NPAS3: variants seen among roughly 807,000 people sequenced by gnomAD.
NPAS3 encodes the protein neuronal PAS domain-containing protein 3.
In NPAS3, 14 loss-of-function variants were observed where a neutral mutation model predicts 73.1. The ratio of observed to expected loss-of-function variants is 0.19; its 90% confidence interval spans 0.13 to 0.30. The LOEUF (loss-of-function observed/expected upper bound fraction) is 0.30, where lower values mean the gene tolerates loss of function less well. Ranked by LOEUF, NPAS3 falls within the 10% of genes least tolerant of loss-of-function variation. The pLI, the probability that NPAS3 is intolerant of heterozygous loss-of-function variation, is 1.00. For missense variants in NPAS3, 1,096 were observed against 1,250.0 expected, an observed-to-expected ratio of 0.88 and a Z score of 1.86; for synonymous variants, 620 against 541.5, an observed-to-expected ratio of 1.14 and a Z score of -2.01.
intron 4 of NPAS3, among the ~76,000 whole-genome samples, chr14:33,508,640 T>A (rs1264553175): frequency 1.3e-5 from 2 of 151,968 alleles, no homozygotes; most frequent in Non-Finnish European, 2.9e-5. Context: ...TCAGAGGGAA[T>A]CAGTAAACAG....
chr14:33,288,770 G>A (rs988963681), intron 3 of NPAS3, among the ~76,000 whole-genome samples: 2 of 151,902 alleles, frequency 1.3e-5, no homozygotes, highest in Non-Finnish European at 2.9e-5. Context: ...TTACTTTTCT[G>A]CATGCATATC....
At chr14:33,575,387 C>T (rs1162233492) in intron 5 of NPAS3, among the ~76,000 whole-genome samples, 2 of 152,112 alleles carry the variant, frequency 1.3e-5, no homozygotes, top group African/African-American at 4.8e-5. Flanking sequence ...CTTTGAAACC[C>T]TCATTTCCTT....
At chr14:33,018,734 TA>T (rs2138240796) in intron 1 of NPAS3, among the ~76,000 whole-genome samples, 1 of 152,348 alleles carries the variant, frequency 6.6e-6, no homozygotes, top group South Asian at 2.1e-4. Flanking sequence ...TAGTAAAATT[TA>T]AAGCACTGAA....
chr14:33,538,124 C>T (rs1027484371), intron 4 of NPAS3, among the ~76,000 whole-genome samples: 1 of 152,130 alleles, frequency 6.6e-6, no homozygotes, highest in Non-Finnish European at 1.5e-5. Context: ...AAAAGAAACT[C>T]TTATTGTTAT....
intron 2 of NPAS3, among the ~76,000 whole-genome samples, chr14:33,075,198 T>C (rs1595385285): frequency 6.6e-6 from 1 of 152,302 alleles, no homozygotes; most frequent in Middle Eastern, 3.4e-3. Context: ...TTGTTACAAA[T>C]AATGTTTGAT....
intron 5 of NPAS3, among the ~76,000 whole-genome samples, chr14:33,565,056 C>A (rs2055858746): frequency 6.6e-6 from 1 of 152,168 alleles, no homozygotes; most frequent in South Asian, 2.1e-4. Context: ...AAGGTAGCTG[C>A]AGACAAGGTT....
chr14:33,775,269 G>A (rs541257794), intron 8 of NPAS3, among the ~76,000 whole-genome samples: 78 of 152,270 alleles, frequency 5.1e-4, no homozygotes, highest in African/African-American at 1.8e-3. Flanking sequence ...AGGGAGGGCC[G>A]TGGAGAGGAG....
intron 6 of NPAS3, among the ~76,000 whole-genome samples, chr14:33,688,307 T>G (rs1424305764): frequency 6.6e-6 from 1 of 152,208 alleles, no homozygotes; most frequent in Non-Finnish European, 1.5e-5. Context: ...GAATGTTAGC[T>G]TAGTAAAAAT....
At chr14:33,068,336 T>A (rs2041353042) in intron 2 of NPAS3, among the ~76,000 whole-genome samples, 1 of 152,194 alleles carries the variant, frequency 6.6e-6, no homozygotes, top group Non-Finnish European at 1.5e-5. Flanking sequence ...CATGAAACAT[T>A]TCCATTCATT....
At chr14:33,116,038 A>G in intron 2 of NPAS3, among the ~76,000 whole-genome samples, 1 of 152,110 alleles carries the variant, frequency 6.6e-6, no homozygotes, top group East Asian at 1.9e-4. Flanking sequence ...AGCCTCATCC[A>G]AATTGTCATT....
intron 7 of NPAS3, among the ~76,000 whole-genome samples, chr14:33,769,766 T>TTTTC (rs2062590598): frequency 2.6e-5 from 3 of 115,728 alleles, no homozygotes; most frequent in African/African-American, 6.0e-5. Flanking sequence ...CTTTTTTTTT[T>TTTTC]TTTTTTTTTT....
chr14:33,125,477 T>C (rs1236854671), intron 2 of NPAS3, among the ~76,000 whole-genome samples: 1 of 152,078 alleles, frequency 6.6e-6, no homozygotes, highest in Non-Finnish European at 1.5e-5. Context: ...GTTAAGGATA[T>C]AGAGGCAACA....
intron 6 of NPAS3, among the ~76,000 whole-genome samples, chr14:33,714,616 A>G (rs570200282): frequency 1.3e-5 from 2 of 152,328 alleles, no homozygotes; most frequent in African/African-American, 4.8e-5. Context: ...CAACAGTACT[A>G]ACTATATTTT....
At chr14:33,369,404 CAAAAAAAA>C (rs3058296) in intron 4 of NPAS3, among the ~76,000 whole-genome samples, 8 of 90,890 alleles carry the variant, frequency 8.8e-5, no homozygotes, top group East Asian at 2.7e-4. Context: ...GCCTCATTTC[CAAAAAAAA>C]AAAAAAAAAA....
At chr14:33,419,396 C>A (rs191758993) in intron 4 of NPAS3, among the ~76,000 whole-genome samples, 1 of 151,736 alleles carries the variant, frequency 6.6e-6, no homozygotes. Context: ...CATGCTTTGA[C>A]ATTGTAAAAC....
At chr14:33,396,052 C>T (rs2047210096) in intron 4 of NPAS3, among the ~76,000 whole-genome samples, 1 of 152,134 alleles carries the variant, frequency 6.6e-6, no homozygotes, top group African/African-American at 2.4e-5. Context: ...TCCAATTAAC[C>T]TTTGACTTGG....
intron 3 of NPAS3, among the ~76,000 whole-genome samples, chr14:33,301,322 A>ATATATATATATATATT (rs557118171): frequency 1.0e-5 from 1 of 99,688 alleles, no homozygotes; most frequent in Non-Finnish European, 2.0e-5. Context: ...ATATATATAT[A>ATATATATATATATATT]TTTTTTTTTT....
At chr14:33,322,034 A>G (rs1036694017) in intron 3 of NPAS3, among the ~76,000 whole-genome samples, 11 of 152,180 alleles carry the variant, frequency 7.2e-5, no homozygotes, top group African/African-American at 2.2e-4. Context: ...GTGCTGCCAG[A>G]GATGGGTTTG....
At chr14:33,211,216 T>C (rs1486605742) in intron 2 of NPAS3, among the ~76,000 whole-genome samples, 1 of 152,192 alleles carries the variant, frequency 6.6e-6, no homozygotes, top group African/African-American at 2.4e-5. Flanking sequence ...TGTACATAAT[T>C]AGTAAATAAC....
Sources: allele counts gnomAD v4.1 joint callset (sites outside exome capture counted in the v4.1 genomes callset), GRCh38; gene constraint gnomAD v4.1.1; transcripts MANE v1.5; gene names NCBI Gene and HGNC (gene_info 2026-07-23, HGNC 2026-07-21).